Variants in RASSF4 observed in about 807,000 individuals in gnomAD.
RASSF4 encodes ras association domain-containing protein 4.
RASSF4 carries 38 observed loss-of-function variants against 41.1 expected under a neutral mutation model. The observed-to-expected ratio is 0.92, with a 90% CI of 0.71 to 1.21. RASSF4 has a LOEUF of 1.21. Among genes scored for constraint, RASSF4 ranks in the 50% most tolerant of loss-of-function variants. The pLI is 0.00. For missense variants in RASSF4, 414 were observed against 419.4 expected (o/e 0.99, Z 0.11); for synonymous variants, 179 against 163.4 (o/e 1.10, Z -0.73).
chr10:44,988,792 C>T (rs1177419272), intron 6 of RASSF4, among the ~76,000 whole-genome samples: 2 of 152,144 alleles, frequency 1.3e-5, no homozygotes, highest in East Asian at 1.9e-4. Flanking sequence ...CTGTAGGCAG[C>T]GGTGCAGACT....
Position 44,994,195 on chromosome 10 carries a change from T to C in RASSF4, c.*866T>C, listed in dbSNP as rs1365390741. On this transcript the variant is annotated 3_prime_UTR_variant, in exon 11 of 11. Transcript: ENST00000340258. ...GGGTGGGGATGACTTTCAATGACTTTCAATACTTCCCCTGAAGGAAGAATG... is the reference window on the plus strand; with the variant it reads ...GGGTGGGGATGACTTTCAATGACTTCCAATACTTCCCCTGAAGGAAGAATG... 6.6e-6 allele frequency: 1 copy of C among 152,336 alleles called. No individual in the cohort carries two copies. The highest frequency in any genetic ancestry group is 1.5e-5 in the Non-Finnish European group (1 of 68,048). 9.4% of individuals were successfully genotyped at this position (152,336 alleles called of 1,614,324 possible).
At chr10:44,961,989 CTGCCCTAGGATA>C (rs1840727975) in intron 1 of RASSF4, among the ~76,000 whole-genome samples, 1 of 152,214 alleles carries the variant, frequency 6.6e-6, no homozygotes, top group Non-Finnish European at 1.5e-5. Context: ...GTCCCACCTT[CTGCCCTAGGATA>C]TACTGTTGAG....
At chr10:44,963,887 T>C (rs183475380) in intron 1 of RASSF4, among the ~76,000 whole-genome samples, 169 of 152,344 alleles carry the variant, frequency 1.1e-3, no homozygotes, top group African/African-American at 4.0e-3. Flanking sequence ...GAAGGGACAC[T>C]GTCAGAAGGA....
At chr10:44,972,271 C>T (rs1841207047) in intron 3 of RASSF4, among the ~76,000 whole-genome samples, 1 of 152,184 alleles carries the variant, frequency 6.6e-6, no homozygotes, top group South Asian at 2.1e-4. Flanking sequence ...ACCTGTGGCC[C>T]CTGGTCCCCA....
At chr10:44,960,319 A>T (rs1840660180) in intron 1 of RASSF4, among the ~76,000 whole-genome samples, 1 of 152,218 alleles carries the variant, frequency 6.6e-6, no homozygotes, top group African/African-American at 2.4e-5. Context: ...CAAGTGCTTT[A>T]ACACGATATG....
intron 3 of RASSF4, among the ~76,000 whole-genome samples, chr10:44,975,447 C>A (rs1265429480): frequency 7.8e-6 from 1 of 128,562 alleles, no homozygotes; most frequent in East Asian, 2.9e-4. Flanking sequence ...ACCCCCACCC[C>A]CACTCCCCTC....
chr10:44,978,952 G>A (rs1433080985), intron 3 of RASSF4: 2 of 152,298 alleles, frequency 1.3e-5, no homozygotes, highest in African/African-American at 4.8e-5. Context: ...CCAGCTTGGA[G>A]GTGTTTTTCT....
Position 44,970,149 on chromosome 10 carries a change from T to G in RASSF4, c.-38-16T>G. On this transcript the variant is annotated splice_polypyrimidine_tract_variant and intron_variant, in intron 1 of 10. Transcript: ENST00000340258. Reference sequence around the variant, plus strand: ...CTCTGGCTCACCTGTCTGTCCACCCTTCCTTGTCTTCCCAGCAAGTAACTT... The same window carrying G: ...CTCTGGCTCACCTGTCTGTCCACCCGTCCTTGTCTTCCCAGCAAGTAACTT... 1 of 1,517,280 alleles carries G rather than the reference T, an allele frequency of 6.6e-7. No homozygotes were observed. The highest frequency in any genetic ancestry group is 9.2e-7 in the Non-Finnish European group (1 of 1,092,602). 94.0% of individuals were successfully genotyped at this position (1,517,280 alleles called of 1,614,324 possible). A position where few individuals can be genotyped will look rare whatever the true frequency, so the allele number is the denominator to read the frequency against.
intron 1 of RASSF4, among the ~76,000 whole-genome samples, chr10:44,960,752 G>C (rs1231229980): frequency 6.6e-6 from 1 of 152,220 alleles, no homozygotes; most frequent in Non-Finnish European, 1.5e-5. Flanking sequence ...CAGCAAATAA[G>C]GGCTGGGCTT....
intron 8 of RASSF4, 104 bp from the exon 9 acceptor site, chr10:44,990,844 G>T: frequency 1.6e-6 from 2 of 1,236,790 alleles, no homozygotes; most frequent in South Asian, 2.8e-5. Context: ...TGTTCTTAGG[G>T]TTCCCTGCGC....
At chr10:44,987,207 C>T (rs1588843032) in intron 6 of RASSF4, among the ~76,000 whole-genome samples, 2 of 152,256 alleles carry the variant, frequency 1.3e-5, no homozygotes, top group African/African-American at 2.4e-5. Flanking sequence ...TAGGTTCAAG[C>T]GATTCTTCTG....
At chr10:44,963,689 T>C (rs987916992) in intron 1 of RASSF4, among the ~76,000 whole-genome samples, 5 of 152,254 alleles carry the variant, frequency 3.3e-5, no homozygotes, top group African/African-American at 1.2e-4. Context: ...ACTTTCGTTA[T>C]GACCTATTTG....
At chr10:44,977,119 T>C (rs1395678324) in intron 3 of RASSF4, 1 of 384,302 alleles carries the variant, frequency 2.6e-6, no homozygotes, top group Non-Finnish European at 4.6e-6. Flanking sequence ...ATATTACCCA[T>C]GAGAAACTGA....
intron 4 of RASSF4, 57 bp downstream of exon 4, chr10:44,982,720 T>C (rs1841768083): frequency 1.9e-6 from 3 of 1,574,334 alleles, no homozygotes; most frequent in Non-Finnish European, 2.6e-6. Flanking sequence ...GGGTTGGGGA[T>C]ATCCCGAGCC....
chr10:44,984,127 G>A lies in RASSF4; in HGVS notation c.373+14G>A, dbSNP rs765890853. ...CAGACAGCTCGGGTAAGCGGAGCCC[G>A]CAAGCTGCCCAGACCCCTGCCTCAT... On this transcript the variant is annotated intron_variant, in intron 5 of 10. Transcript: ENST00000340258. 2.8e-5 allele frequency: 45 copies of A among 1,581,218 alleles called. No individual in the cohort carries two copies. Among genetic ancestry groups the A allele is most frequent in the African/African-American group, 4.0e-5 (3 of 74,324 alleles).
intron 3 of RASSF4, 74 bp from the exon 4 acceptor site, chr10:44,982,447 C>T (rs41301599): frequency 0.033 from 51,893 of 1,567,268 alleles, 965 homozygotes; most frequent in East Asian, 0.067. Flanking sequence ...GTGTTCAGAG[C>T]ATCCCATCCC....
intron 3 of RASSF4, among the ~76,000 whole-genome samples, chr10:44,978,389 C>G (rs997564168): frequency 6.6e-6 from 1 of 152,174 alleles, no homozygotes; most frequent in African/African-American, 2.4e-5. Context: ...CCTCTCCAGG[C>G]CTCCACTTAC....
intron 1 of RASSF4, among the ~76,000 whole-genome samples, chr10:44,963,613 C>T (rs938356579): frequency 3.9e-5 from 6 of 152,238 alleles, no homozygotes; most frequent in Admixed American, 3.3e-4. Context: ...CCTCCACCAG[C>T]GGGAGCAGCT....
rs905091094 is a variant in RASSF4 at position 44,991,888 on chromosome 10, G to T, written c.808-17G>T. The T allele has an allele frequency of 1.9e-6, 3 of 1,566,000 alleles. No homozygotes were observed. The highest frequency in any genetic ancestry group is 4.5e-5 in the East Asian group (2 of 44,622). On this transcript the variant is annotated splice_polypyrimidine_tract_variant and intron_variant, in intron 9 of 10. Coordinates refer to ENST00000340258, the MANE Select transcript of RASSF4 (RefSeq NM_032023.4). ...CTTCGAATTTAAAGCACATTAAAAT[G>T]TTCTTGGATTTTCTAGGTCGCTCAG...
Sources: gnomAD v4.1 joint callset for allele counts (sites outside exome capture counted in the v4.1 genomes callset) on GRCh38, gnomAD v4.1.1 for gene constraint, MANE v1.5 for transcripts, NCBI Gene and HGNC (gene_info 2026-07-23, HGNC 2026-07-21) for gene names.